MYL5: variants seen among roughly 807,000 people sequenced by gnomAD.
The protein encoded by MYL5 is myosin regulatory light chain 5.
A neutral mutation model predicts 20.8 loss-of-function variants in MYL5; 28 were observed. The observed-to-expected ratio is 1.35, with a 90% CI of 1.00 to 1.84. The LOEUF is 1.84. Among genes scored for constraint, MYL5 ranks in the 40% most tolerant of loss-of-function variants. The probability of loss-of-function intolerance (pLI) is 0.00; values close to 1 mark genes in which losing one functional copy is unlikely to be tolerated. For missense variants in MYL5, 274 were observed against 227.3 expected (o/e 1.21, Z -1.32); for synonymous variants, 118 against 87.4 (o/e 1.35, Z -1.95).
At position 678,955 on chromosome 4, in the gene MYL5, C is replaced by T. The variant is rs1156773493; in HGVS notation, c.112-3C>T. 1 of 1,613,768 alleles carries T rather than the reference C, an allele frequency of 6.2e-7. No individual in the cohort carries two copies. The highest frequency in any genetic ancestry group is 8.5e-7 in the Non-Finnish European group (1 of 1,179,950). On this transcript the variant is annotated splice_polypyrimidine_tract_variant and splice_region_variant and intron_variant, in intron 2 of 6. Coordinates refer to ENST00000400159, the Ensembl canonical transcript of MYL5. The stretch of plus-strand genomic sequence containing the variant: ...GCACAGCAGCCCTGACCTTGGTCCC[C>T]AGGCATTCACACTCATGGATCAGAA...
At chr4:676,875 CA>C (rs950849101), upstream of MYL5, 15 of 985,232 alleles carry the variant, frequency 1.5e-5, no homozygotes, top group Non-Finnish European at 1.7e-5. Context: ...CCAGGGTCCT[CA>C]ACCTCAGGAG....
intron 1 of MYL5, 164 bp downstream of exon 3, chr4:678,193 TGC>T: frequency 6.6e-7 from 1 of 1,525,862 alleles, no homozygotes; most frequent in Non-Finnish European, 8.8e-7. Flanking sequence ...CGTGTGTATG[TGC>T]GTGTGTGTGA....
chr4:681,612 CCAGCGCCGCCCCGCCCCCT>C (rs1739570866), intron 6 of MYL5, among the ~76,000 whole-genome samples: 1 of 104,242 alleles, frequency 9.6e-6, no homozygotes, highest in Non-Finnish European at 2.0e-5. Context: ...CCCGCCCCCT[CCAGCGCCGCCCCGCCCCCT>C]CCAGCGCCGC....
At position 681,859 on chromosome 4, in the gene MYL5, AGCCCGCAAGGAGCCCTTTCGCCCCC is replaced by A. The variant is rs1739723432; in HGVS notation, c.421-26_421-2del. The A allele has an allele frequency of 7.7e-7, 1 of 1,306,110 alleles. No individual in the cohort carries two copies. 80.9% of individuals were successfully genotyped at this position (1,306,110 alleles called of 1,614,324 possible). The stretch of plus-strand genomic sequence containing the variant: ...GTGCGCGCTTGTAATTCGCTCCCGG[AGCCCGCAAGGAGCCCTTTCGCCCCC>A]GCCCGCAGGTGGACCAGATGTTCCA... On this transcript the variant is annotated splice_polypyrimidine_tract_variant and intron_variant, in intron 6 of 6. Transcript: ENST00000400159.
chr4:679,246 G>T (rs575512611), intron 3 of MYL5: 3 of 676,828 alleles, frequency 4.4e-6, no homozygotes, highest in Non-Finnish European at 8.0e-6. Flanking sequence ...GGGTGGGTGG[G>T]ACAGCCCAAG....
At chr4:676,722 A>C (rs1738878473), upstream of MYL5, among the ~76,000 whole-genome samples, 1 of 152,100 alleles carries the variant, frequency 6.6e-6, no homozygotes, top group African/African-American at 2.4e-5. Flanking sequence ...GCAGCCCAGC[A>C]GTGCCCCTTC....
Position 680,003 on chromosome 4 carries a change from G to A in MYL5, c.277G>A (p.Gly93Arg), listed in dbSNP as rs752350887. Residue 93 changes from glycine to arginine, a missense_variant, in exon 4 of 7, where the codon GGG becomes AGG. Coordinates refer to ENST00000400159, the Ensembl canonical transcript of MYL5. ...CTTCACCATGTTTCTGAACCTGTTT[G>A]GGGAGAAGCTGAGCGGTGAGCACCG... is the stretch of plus-strand genomic sequence containing the variant. 7 of 1,612,910 alleles carry A rather than the reference G, an allele frequency of 4.3e-6. No homozygotes were observed. In the South Asian group the frequency reaches 4.4e-5, roughly 10 times the overall value.
At chr4:680,878 C>G (rs1488189692) in intron 5 of MYL5, 2 of 649,334 alleles carry the variant, frequency 3.1e-6, no homozygotes, top group East Asian at 2.7e-5. Context: ...GGCCTGTAAC[C>G]TCCTTCCGGC....
intron 2 of MYL5, 61 bp from the exon 5 acceptor site, chr4:678,897 C>T: frequency 6.2e-7 from 1 of 1,608,430 alleles, no homozygotes; most frequent in Non-Finnish European, 8.5e-7. Flanking sequence ...GAACCGGGAG[C>T]AGGGGGCGGG....
At chr4:677,034 G>A (rs1473691662), upstream of MYL5, 5 of 596,668 alleles carry the variant, frequency 8.4e-6, no homozygotes, top group African/African-American at 2.0e-5. Flanking sequence ...TTGCAGACAC[G>A]GTGGCGCCCC....
intron 3 of MYL5, 133 bp downstream of exon 5, chr4:679,166 G>T (rs1380693383): frequency 2.3e-6 from 2 of 888,870 alleles, no homozygotes; most frequent in African/African-American, 3.3e-5. Flanking sequence ...CGGCCCTGAA[G>T]CTGCAAGGTG....
At chr4:680,044 C>T (rs1739290492) in intron 4 of MYL5, 26 bp downstream of exon 6, 1 of 1,547,068 alleles carries the variant, frequency 6.5e-7, no homozygotes, top group East Asian at 2.3e-5. Context: ...GCAGGCCTGG[C>T]CCTCCTAGCT....
exon 3 of MYL5, chr4:678,959 C>G: frequency 6.2e-7 from 1 of 1,613,774 alleles, no homozygotes; most frequent in South Asian, 1.1e-5. Context: ...GGTCCCCAGG[C>G]ATTCACACTC....
At chr4:680,794 G>C in intron 5 of MYL5, 1 of 647,810 alleles carries the variant, frequency 1.5e-6, no homozygotes, top group Non-Finnish European at 2.6e-6. Context: ...GCCCGGTGGG[G>C]GTGGGGCGGC....
intron 4 of MYL5, 127 bp downstream of exon 6, chr4:680,145 C>G: frequency 1.0e-6 from 1 of 969,170 alleles, no homozygotes; most frequent in East Asian, 2.7e-5. Context: ...ACTCTGGGAG[C>G]CAACAACTGT....
At chr4:678,312 C>G (rs888666209) in intron 1 of MYL5, 1 of 1,428,822 alleles carries the variant, frequency 7.0e-7, no homozygotes, top group Non-Finnish European at 9.2e-7. Flanking sequence ...TCACAAAATC[C>G]CGGTACCCAG....
intron 3 of MYL5, 92 bp from the exon 6 acceptor site, chr4:679,822 A>G: frequency 9.9e-7 from 1 of 1,013,004 alleles, no homozygotes; most frequent in East Asian, 2.6e-5. Flanking sequence ...CACCCTTCCC[A>G]TCTGCCTGCC....
Position 678,966 on chromosome 4 carries a change from ACT to A in MYL5, c.122_123del (p.Leu41HisfsTer10). 6.2e-7 allele frequency: 1 copy of A among 1,613,730 alleles called. No homozygotes were observed. Among genetic ancestry groups the A allele is most frequent in the Non-Finnish European group, 8.5e-7 (1 of 1,179,948 alleles). On this transcript the variant is annotated frameshift_variant, in exon 3 of 7. Coordinates refer to ENST00000400159, the Ensembl canonical transcript of MYL5. LOFTEE classifies it high-confidence loss of function. ...CTGACCTTGGTCCCCAGGCATTCAC[ACT>A]CATGGATCAGAACCGAGATGGCTTC...
chr4:678,348 C>T, intron 1 of MYL5: 1 of 1,414,340 alleles, frequency 7.1e-7, no homozygotes, highest in South Asian at 1.5e-5. Flanking sequence ...AGTCCACTTG[C>T]CCCTCAAGCC....
Sources: gnomAD v4.1 joint callset for allele counts (sites outside exome capture counted in the v4.1 genomes callset) on GRCh38, gnomAD v4.1.1 for gene constraint, MANE v1.5 for transcripts, NCBI Gene and HGNC (gene_info 2026-07-23, HGNC 2026-07-21) for gene names.